The following MAGT1 variants were observed in gnomAD, a reference collection of about 807,000 sequenced individuals.
MAGT1 encodes the protein magnesium transporter 1.
MAGT1 carries 4 observed loss-of-function variants against 28.4 expected under a neutral mutation model. The ratio of observed to expected loss-of-function variants is 0.14; its 90% CI spans 0.07 to 0.32. The LOEUF (loss-of-function observed/expected upper bound fraction) is 0.32, where lower values mean the gene tolerates loss of function less well. Among genes scored for constraint, MAGT1 ranks in the 10% least tolerant of loss-of-function variants. The probability of loss-of-function intolerance (pLI) is 1.00; values close to 1 mark genes in which losing one functional copy is unlikely to be tolerated. For missense variants in MAGT1, 193 were observed against 264.5 expected (o/e 0.73, Z 1.88); for synonymous variants, 89 against 89.7 (o/e 0.99, Z 0.04).
At chrX:77,880,389 C>T (rs897099834) in intron 1 of MAGT1, among the ~76,000 whole-genome samples, 5 of 107,946 alleles carry the variant, frequency 4.6e-5, no homozygotes, top group East Asian at 3.1e-4. Context: ...ATAAGCTGGG[C>T]GTGATGGCGG....
intron 7 of MAGT1, among the ~76,000 whole-genome samples, chrX:77,852,065 ATT>A (rs1193702661): frequency 9.5e-6 from 1 of 105,542 alleles, no homozygotes; most frequent in African/African-American, 3.5e-5. Flanking sequence ...CGCTCAGCTA[ATT>A]TTTTTTTGTA....
chrX:77,865,360 G>T (rs2077005795), intron 3 of MAGT1, among the ~76,000 whole-genome samples: 1 of 110,762 alleles, frequency 9.0e-6, no homozygotes, highest in African/African-American at 3.3e-5. Context: ...CGCGATCTCA[G>T]ATCACTACAA....
intron 3 of MAGT1, among the ~76,000 whole-genome samples, chrX:77,860,207 T>C (rs1039739532): frequency 2.7e-5 from 3 of 111,415 alleles, no homozygotes; most frequent in Non-Finnish European, 5.7e-5. Flanking sequence ...TCTTACCCTC[T>C]CAAGTAGCTG....
At chrX:77,886,242 T>C (rs1030278985) in intron 1 of MAGT1, among the ~76,000 whole-genome samples, 12 of 112,186 alleles carry the variant, frequency 1.1e-4, no homozygotes, top group Non-Finnish European at 2.1e-4. Flanking sequence ...GATTTAGTGA[T>C]AAAGTAACCC....
At chrX:77,832,750 T>G (rs781862987) in intron 8 of MAGT1, among the ~76,000 whole-genome samples, 1 of 99,918 alleles carries the variant, frequency 1.0e-5, no homozygotes, top group South Asian at 4.6e-4. Flanking sequence ...GGATAATCGC[T>G]TGGCAAAGCT....
chrX:77,890,151 C>T (rs1312383854), intron 1 of MAGT1, among the ~76,000 whole-genome samples: 5 of 112,337 alleles, frequency 4.5e-5, no homozygotes, highest in African/African-American at 1.6e-4. Flanking sequence ...AAAACTTATT[C>T]GTGTCTTTGT....
chrX:77,856,404 C>A, intron 5 of MAGT1: 1 of 168,329 alleles, frequency 5.9e-6, no homozygotes, highest in Non-Finnish European at 1.1e-5. Flanking sequence ...TGCCACTGCA[C>A]TCCAGTCTGG....
In MAGT1 at chrX:77,857,374, C is replaced by A. The variant is rs368343097; in HGVS notation, c.514G>T (p.Asp172Tyr). Residue 172 changes from aspartate to tyrosine, a missense_variant, in exon 4 of 10, where the codon GAC becomes TAC. Asp to Tyr is a radical substitution (Grantham distance 160, BLOSUM62 -3). Coordinates refer to ENST00000618282, the MANE Select transcript of MAGT1 (RefSeq NM_001367916.1). ...AAACTTACATTGACATCAGTTCTGT[C>A]GGCGATCCACCGGGCAATCTGCTCA... Reference protein sequence around the residue: ...SAEQIARWIADRTDVNIRVIR... With the variant: ...SAEQIARWIAYRTDVNIRVIR... The A allele has an allele frequency of 8.3e-7, 1 of 1,211,214 alleles. No homozygotes were observed. The highest frequency in any genetic ancestry group is 1.1e-6 in the Non-Finnish European group (1 of 895,385).
chrX:77,867,344 T>G (rs937972430), intron 3 of MAGT1, among the ~76,000 whole-genome samples: 2 of 66,229 alleles, frequency 3.0e-5, no homozygotes, highest in African/African-American at 7.0e-5. Flanking sequence ...TTCTTAAGAG[T>G]TGGGGTCTGG....
chrX:77,856,028 A>G (rs1272426127), intron 5 of MAGT1, among the ~76,000 whole-genome samples: 1 of 110,684 alleles, frequency 9.0e-6, no homozygotes, highest in African/African-American at 3.3e-5. Context: ...TCGGCCTCCC[A>G]AAGATATGGG....
intron 3 of MAGT1, among the ~76,000 whole-genome samples, chrX:77,859,181 C>A (rs782210224): frequency 1.6e-3 from 176 of 111,037 alleles, no homozygotes; most frequent in African/African-American, 5.4e-3. Flanking sequence ...GTACTCCAGC[C>A]TGGGTGACAG....
At position 77,825,944 on chromosome X, in the gene MAGT1, T is replaced by C. The variant is rs2076882053; in HGVS notation, c.*3276A>G. ...CCAGATCTCTTTACTTCCTGTGCAGTGTTTCTACTCCATGTTTGCAAAAGA... is the reference window on the plus strand; with the variant it reads ...CCAGATCTCTTTACTTCCTGTGCAGCGTTTCTACTCCATGTTTGCAAAAGA... On this transcript the variant is annotated 3_prime_UTR_variant, in exon 10 of 10. Transcript: ENST00000618282. 8.9e-6 allele frequency among the ~76,000 whole-genome samples: 1 copy of C among 112,745 alleles called. No individual in the cohort carries two copies. The highest frequency in any genetic ancestry group is 3.6e-4 in the South Asian group (1 of 2,779).
chrX:77,833,577 C>T (rs1345348117), intron 8 of MAGT1, among the ~76,000 whole-genome samples: 1 of 111,567 alleles, frequency 9.0e-6, no homozygotes, highest in East Asian at 2.8e-4. Context: ...GTTAACTTAA[C>T]CAAAGAAGTG....
chrX:77,862,472 C>G (rs1557216533), intron 3 of MAGT1, among the ~76,000 whole-genome samples: 1 of 110,784 alleles, frequency 9.0e-6, no homozygotes, highest in East Asian at 2.8e-4. Flanking sequence ...GAACTAATGT[C>G]CAGAATATAC....
intron 7 of MAGT1, 127 bp downstream of exon 7, chrX:77,853,774 T>C: frequency 1.7e-6 from 1 of 582,895 alleles, no homozygotes; most frequent in Admixed American, 2.5e-5. Context: ...GATGATACAG[T>C]AATGATTTTC....
chrX:77,876,160 ATATATTTTTTTTT>A (rs1265948161), intron 1 of MAGT1, among the ~76,000 whole-genome samples: 3 of 32,178 alleles, frequency 9.3e-5, no homozygotes, highest in African/African-American at 3.2e-4. Context: ...ATATATATAT[ATATATTTTTTTTT>A]TTTTTTTTTT....
chrX:77,853,791 T>C, intron 7 of MAGT1, 110 bp downstream of exon 7: 2 of 622,920 alleles, frequency 3.2e-6, no homozygotes, highest in Non-Finnish European at 5.5e-6. Flanking sequence ...TTTCAAAGGA[T>C]ATTGTGACTT....
In MAGT1 at chrX:77,845,140, C is replaced by CAT. The variant is rs782111818; in HGVS notation, c.827-3822_827-3821dup. Reference sequence around the variant, plus strand: ...AATCTGGGTGCTCCTGTATTGGGTGCATATATATTTAGGATAGTTAGCTCT... The same window carrying CAT: ...AATCTGGGTGCTCCTGTATTGGGTGCATATATATATTTAGGATAGTTAGCTCT... On this transcript the variant is annotated intron_variant, in intron 7 of 9. Transcript: ENST00000618282. 5.4e-4 allele frequency among the ~76,000 whole-genome samples: 60 copies of CAT among 111,592 alleles called. No homozygotes were observed. In the East Asian group the frequency reaches 0.014, roughly 26 times the overall value.
chrX:77,870,568 TTA>T lies in MAGT1; in HGVS notation c.390+238_390+239del, dbSNP rs782066174. On this transcript the variant is annotated intron_variant, in intron 3 of 9. Coordinates refer to ENST00000618282, the MANE Select transcript of MAGT1 (RefSeq NM_001367916.1). ...AATGGTTAAAATGATAAAGTTTGTT[TTA>T]TATATTTTACTACAATAAAAATGTA... Among the ~76,000 whole-genome samples, 7 of 111,510 alleles carry T rather than the reference TTA, an allele frequency of 6.3e-5. No homozygotes were observed. In the South Asian group the frequency reaches 2.6e-3, roughly 41 times the overall value.
Sources: gnomAD v4.1 joint callset for allele counts (sites outside exome capture counted in the v4.1 genomes callset) on GRCh38, gnomAD v4.1.1 for gene constraint, MANE v1.5 for transcripts, NCBI Gene and HGNC (gene_info 2026-07-23, HGNC 2026-07-21) for gene names.